COL6A5: variants seen among roughly 807,000 people sequenced by gnomAD.
COL6A5 encodes the protein collagen type VI alpha 5 chain.
COL6A5 carries 48 observed loss-of-function variants against 65.6 expected under a neutral mutation model. That is an observed-to-expected ratio of 0.73 (90% CI 0.58 to 0.93). COL6A5 has a LOEUF of 0.93. Ranked by LOEUF, COL6A5 falls within the 40% of genes least tolerant of loss-of-function variation. COL6A5 has a pLI of 0.00. For missense variants in COL6A5, 914 were observed against 928.3 expected (o/e 0.98, Z 0.20); for synonymous variants, 291 against 322.8 (o/e 0.90, Z 1.05).
chr3:130,395,472 G>A lies in COL6A5; in HGVS notation c.3568+7G>A, dbSNP rs1488182385. On this transcript the variant is annotated splice_region_variant and intron_variant and NMD_transcript_variant, in intron 8 of 41. Coordinates refer to the COL6A5 transcript ENST00000312481. ...CAGAGCTGTGGGAAAACCAGTAAGTGCTTCTTGTTTGGTTTTCTTCCATGG... is the reference window on the plus strand; with the variant it reads ...CAGAGCTGTGGGAAAACCAGTAAGTACTTCTTGTTTGGTTTTCTTCCATGG... 24 of 1,528,624 alleles carry A rather than the reference G, an allele frequency of 1.6e-5. No individual in the cohort carries two copies. Among genetic ancestry groups the A allele is most frequent in the Non-Finnish European group, 2.1e-5 (24 of 1,140,230 alleles). The allele number at this position is 1,528,624 out of a possible 1,614,324, so 94.7% of individuals were successfully genotyped here. A position where few individuals can be genotyped will look rare whatever the true frequency, so the allele number is the denominator to read the frequency against.
At chr3:130,482,637 G>T (rs1710280219) in intron 7 of COL6A5, among the ~76,000 whole-genome samples, 1 of 152,230 alleles carries the variant, frequency 6.6e-6, no homozygotes. Flanking sequence ...ACTTTGGTCA[G>T]TATGGCCATT....
intron 22 of COL6A5, 135 bp downstream of exon 22, chr3:130,414,266 T>TG: frequency 1.4e-6 from 1 of 698,190 alleles, no homozygotes; most frequent in Non-Finnish European, 2.4e-6. Context: ...TATCATGGGG[T>TG]GGGGGGTGAT....
chr3:130,348,736 C>T (rs923198959), intron 1 of COL6A5, among the ~76,000 whole-genome samples: 1 of 152,212 alleles, frequency 6.6e-6, no homozygotes, highest in African/African-American at 2.4e-5. Context: ...TATACTCCCA[C>T]CAACAGTGTA....
chr3:130,365,708 C>T (rs1935310830), intron 1 of COL6A5, among the ~76,000 whole-genome samples: 2 of 152,296 alleles, frequency 1.3e-5, no homozygotes, highest in Admixed American at 1.3e-4. Flanking sequence ...TCTGTGTTTT[C>T]TGTAGAGAGC....
At chr3:130,376,252 A>T in exon 3 of COL6A5, 1 of 1,605,576 alleles carries the variant, frequency 6.2e-7, no homozygotes, top group Non-Finnish European at 8.5e-7. Flanking sequence ...GGCCCTGTGT[A>T]TGCAGATGTC....
At chr3:130,414,284 C>T (rs1344971129) in intron 22 of COL6A5, among the ~76,000 whole-genome samples, 153 bp downstream of exon 22, 1 of 152,108 alleles carries the variant, frequency 6.6e-6, no homozygotes, top group Non-Finnish European at 1.5e-5. Context: ...GATTTCATTC[C>T]ATCAAACTTG....
At chr3:130,475,751 G>A (rs1168335500) in intron 7 of COL6A5, among the ~76,000 whole-genome samples, 1 of 152,114 alleles carries the variant, frequency 6.6e-6, no homozygotes, top group African/African-American at 2.4e-5. Flanking sequence ...AAGGGAGGAA[G>A]GCTGAGTAAG....
intron 1 of COL6A5, among the ~76,000 whole-genome samples, chr3:130,363,277 A>G (rs1021091349): frequency 1.3e-5 from 2 of 152,250 alleles, no homozygotes; most frequent in Admixed American, 1.3e-4. Context: ...ATAACTTATA[A>G]TAACAAAATA....
chr3:130,471,850 G>A (rs1484298509), intron 7 of COL6A5: 1 of 1,521,368 alleles, frequency 6.6e-7, no homozygotes, highest in African/African-American at 1.4e-5. Flanking sequence ...CTGAGAAACT[G>A]GCAATGAAAG....
At chr3:130,439,492 A>G in intron 1 of COL6A5, 30 bp from the exon 34 acceptor site, 1 of 1,506,398 alleles carries the variant, frequency 6.6e-7, no homozygotes, top group Non-Finnish European at 9.0e-7. Context: ...AACAATGAGC[A>G]AACATGCGTT....
rs1005635206 is a variant in COL6A5 at position 130,361,666 on chromosome 3, G to T, written c.-28-11945G>T. Among the ~76,000 whole-genome samples, 7 of 152,012 alleles carry T rather than the reference G, an allele frequency of 4.6e-5. 1 individual carries two copies. In the South Asian group the frequency reaches 1.5e-3, roughly 32 times the overall value. On this transcript the variant is annotated intron_variant and NMD_transcript_variant, in intron 1 of 41. Coordinates refer to the COL6A5 transcript ENST00000312481. ...AACTATTGAATTGTCTTCCAAAGTG[G>T]CTGTGCCATTTTGCATTAATCCCTG... is the stretch of plus-strand genomic sequence containing the variant.
intron 5 of COL6A5, among the ~76,000 whole-genome samples, chr3:130,387,086 T>C (rs999644180): frequency 2.0e-5 from 3 of 152,090 alleles, no homozygotes; most frequent in Non-Finnish European, 4.4e-5. Flanking sequence ...CTTCCATCTT[T>C]AGGTCAAAAC....
intron 6 of COL6A5, 38 bp from the exon 39 acceptor site, chr3:130,470,833 G>C (rs553616994): frequency 1.4e-6 from 2 of 1,442,774 alleles, no homozygotes; most frequent in South Asian, 1.2e-5. Flanking sequence ...TAATGTAGGT[G>C]GGTAAAATTT....
At chr3:130,382,879 T>G (rs1267499829) in intron 4 of COL6A5, among the ~76,000 whole-genome samples, 1 of 152,106 alleles carries the variant, frequency 6.6e-6, no homozygotes, top group Non-Finnish European at 1.5e-5. Flanking sequence ...GAGCTATCAA[T>G]GCCCAGGGGC....
At chr3:130,358,058 G>A (rs1934983578) in intron 1 of COL6A5, among the ~76,000 whole-genome samples, 2 of 151,978 alleles carry the variant, frequency 1.3e-5, no homozygotes, top group Admixed American at 6.6e-5. Context: ...GCGTGGTGGC[G>A]GGCGCCTGTA....
intron 5 of COL6A5, 135 bp from the exon 38 acceptor site, chr3:130,468,660 G>A: frequency 1.6e-6 from 1 of 639,932 alleles, no homozygotes; most frequent in Non-Finnish European, 2.7e-6. Context: ...AACAAGCAAT[G>A]TGATTATTGA....
At position 130,379,835 on chromosome 3, in the gene COL6A5, G is replaced by A. The variant is rs532783006; in HGVS notation, c.1085G>A (p.Arg362Gln). Residue 362 changes from arginine (R) to glutamine (Q), a missense_variant and NMD_transcript_variant, in exon 4 of 42, where the codon CGA (arginine) becomes CAA (glutamine). Transcript: ENST00000312481. Reference sequence around the variant, plus strand: ...GTGCATGATGCTGCGCTGAACCTTCGACTGGAGGATGTAAACGTGTTTGCC... The same window carrying A: ...GTGCATGATGCTGCGCTGAACCTTCAACTGGAGGATGTAAACGTGTTTGCC... 5.1e-5 allele frequency: 79 copies of A among 1,551,300 alleles called. No homozygotes were observed. In the South Asian group the frequency reaches 6.8e-4, roughly 13 times the overall value.
intron 4 of COL6A5, among the ~76,000 whole-genome samples, chr3:130,450,646 A>T (rs1448595806): frequency 1.3e-5 from 2 of 152,194 alleles, no homozygotes; most frequent in African/African-American, 4.8e-5. Context: ...AAGCTAACAT[A>T]CGAAGGAGAA....
chr3:130,437,273 C>G (rs1460758956), intron 1 of COL6A5, among the ~76,000 whole-genome samples: 1 of 151,880 alleles, frequency 6.6e-6, no homozygotes, highest in East Asian at 1.9e-4. Context: ...GTAAATATAG[C>G]ATTCATTTAA....
Sources: gnomAD v4.1 joint callset for allele counts (sites outside exome capture counted in the v4.1 genomes callset) on GRCh38, gnomAD v4.1.1 for gene constraint, MANE v1.5 for transcripts, NCBI Gene and HGNC (gene_info 2026-07-23, HGNC 2026-07-21) for gene names.